AMZ1: variants seen among roughly 807,000 people sequenced by gnomAD.
The protein encoded by AMZ1 is archaelysin family metallopeptidase 1, also known as archaemetzincin-1.
Under a neutral mutation model 29.9 loss-of-function variants are expected in AMZ1, and 39 were observed. The ratio of observed to expected loss-of-function variants is 1.30; its 90% CI spans 1.01 to 1.70. The LOEUF is 1.70. AMZ1 is among the 40% of genes most tolerant of loss of function. The pLI, the probability that AMZ1 is intolerant of heterozygous loss-of-function variation, is 0.00. For synonymous variants in AMZ1, 458 were observed against 304.0 expected (o/e 1.51, Z -5.27); for missense variants, 1,041 against 680.6 (o/e 1.53, Z -5.89).
intron 1 of AMZ1, among the ~76,000 whole-genome samples, chr7:2,679,977 G>T (rs1786825534): frequency 2.0e-5 from 3 of 152,226 alleles, no homozygotes; most frequent in African/African-American, 7.2e-5. Flanking sequence ...GGGATGTGAG[G>T]CTGGGGCAGA....
chr7:2,737,461 G>T (rs1210746910), intron 4 of AMZ1, among the ~76,000 whole-genome samples: 1 of 151,782 alleles, frequency 6.6e-6, no homozygotes, highest in South Asian at 2.1e-4. Flanking sequence ...GCTAACTTTT[G>T]TATTTTTAGT....
chr7:2,742,780 CTT>C (rs1033530183), intron 4 of AMZ1, among the ~76,000 whole-genome samples: 5 of 152,204 alleles, frequency 3.3e-5, no homozygotes, highest in African/African-American at 9.7e-5. Flanking sequence ...GGTATGTAAT[CTT>C]TTATGGTGCT....
intron 4 of AMZ1, 150 bp downstream of exon 4, chr7:2,708,866 GCTC>G: frequency 2.9e-6 from 4 of 1,365,958 alleles, no homozygotes; most frequent in Non-Finnish European, 4.0e-6. Context: ...GCCCCTTCCA[GCTC>G]CTCCTGAGGA....
chr7:2,742,136 C>T (rs1583220566), intron 4 of AMZ1, among the ~76,000 whole-genome samples: 1 of 152,170 alleles, frequency 6.6e-6, no homozygotes, highest in South Asian at 2.1e-4. Flanking sequence ...ATTCTCCTGC[C>T]TCAGCCACCC....
intron 4 of AMZ1, among the ~76,000 whole-genome samples, chr7:2,755,602 T>C (rs932245868): frequency 6.6e-6 from 1 of 152,254 alleles, no homozygotes; most frequent in African/African-American, 2.4e-5. Context: ...TCTTGTATCC[T>C]GTAGCCTTGC....
intron 4 of AMZ1, among the ~76,000 whole-genome samples, chr7:2,744,845 C>T (rs951669543): frequency 6.6e-6 from 1 of 152,102 alleles, no homozygotes; most frequent in Non-Finnish European, 1.5e-5. Context: ...GAGCTGAAAA[C>T]CAAGGCATGA....
chr7:2,763,159 CAAG>C, upstream of AMZ1: 1 of 1,168,340 alleles, frequency 8.6e-7, no homozygotes, highest in East Asian at 3.8e-5. Context: ...ATTCTGCTGA[CAAG>C]AGGTTAGCAG....
Position 2,705,328 on chromosome 7 carries a change from T to C in AMZ1, c.472+2439T>C, listed in dbSNP as rs1239091644. ...TCCCCCACCCCAGAAACAGTCCAGCTTCATCTGTTTGAGCTCCAGTCCTCC... is the reference window on the plus strand; with the variant it reads ...TCCCCCACCCCAGAAACAGTCCAGCCTCATCTGTTTGAGCTCCAGTCCTCC... On this transcript the variant is annotated intron_variant, in intron 3 of 6. Transcript: ENST00000683327. 2.0e-5 allele frequency among the ~76,000 whole-genome samples: 3 copies of C among 152,298 alleles called. 1 individual carries two copies. In the South Asian group the frequency reaches 6.2e-4, roughly 32 times the overall value.
At position 2,700,392 on chromosome 7, in the gene AMZ1, C is replaced by CG; in HGVS notation, c.-57dup. The CG allele has an allele frequency of 6.5e-7, 1 of 1,546,066 alleles. No individual in the cohort carries two copies. The highest frequency in any genetic ancestry group is 8.7e-7 in the Non-Finnish European group (1 of 1,149,462). ...TCTGGACGAGACCGTGGCCGTCCCCCGGGTGGCCCATGGACAGCAGCAGGG... is the reference window on the plus strand; with the variant it reads ...TCTGGACGAGACCGTGGCCGTCCCCCGGGGTGGCCCATGGACAGCAGCAGGG... On this transcript the variant is annotated 5_prime_UTR_variant, in exon 2 of 7. Transcript: ENST00000683327.
At chr7:2,748,698 G>C (rs2115353424) in intron 4 of AMZ1, among the ~76,000 whole-genome samples, 1 of 152,274 alleles carries the variant, frequency 6.6e-6, no homozygotes, top group South Asian at 2.1e-4. Context: ...CACAGCAAAA[G>C]AAACTACCAT....
chr7:2,691,131 CAA>C (rs35603123), intron 1 of AMZ1, among the ~76,000 whole-genome samples: 35 of 68,698 alleles, frequency 5.1e-4, no homozygotes, highest in Admixed American at 1.2e-3. Context: ...GTGACAGAGG[CAA>C]AAAAAAAAAA....
intron 4 of AMZ1, among the ~76,000 whole-genome samples, chr7:2,751,923 G>A (rs894312625): frequency 2.6e-5 from 4 of 152,070 alleles, no homozygotes; most frequent in African/African-American, 7.2e-5. Context: ...TATCAAACAC[G>A]TAAAGAAGAA....
intron 4 of AMZ1, among the ~76,000 whole-genome samples, chr7:2,734,198 C>T (rs575662234): frequency 4.6e-5 from 7 of 152,316 alleles, no homozygotes; most frequent in Non-Finnish European, 5.9e-5. Flanking sequence ...AGCGCTGAGC[C>T]GCCAAATGCG....
At chr7:2,692,473 C>T (rs757212463) in intron 1 of AMZ1, among the ~76,000 whole-genome samples, 2 of 152,124 alleles carry the variant, frequency 1.3e-5, no homozygotes, top group East Asian at 3.9e-4. Context: ...ACCCGGGAAG[C>T]GGAGGTTGCA....
chr7:2,725,349 G>C (rs1038976608), intron 4 of AMZ1, among the ~76,000 whole-genome samples: 1 of 152,242 alleles, frequency 6.6e-6, no homozygotes, highest in Admixed American at 6.5e-5. Flanking sequence ...ACACAGCTGC[G>C]CGAGGGGAAG....
intron 3 of AMZ1, among the ~76,000 whole-genome samples, chr7:2,703,984 G>C (rs1488105821): frequency 6.6e-6 from 1 of 152,076 alleles, no homozygotes; most frequent in Non-Finnish European, 1.5e-5. Context: ...TGCCTCCCGG[G>C]TTCACACCAT....
rs542387597 is a variant in AMZ1 at position 2,740,441 on chromosome 7, C to A, written n.551-24271C>A. On this transcript the variant is annotated intron_variant and non_coding_transcript_variant, in intron 4 of 4. Transcript: ENST00000489665. ...CAGTGAGAAGCTGGCCGTCTGCAAGCGAGGAAGACAGCCCTCCCTCACCAG... is the reference window on the plus strand; with the variant it reads ...CAGTGAGAAGCTGGCCGTCTGCAAGAGAGGAAGACAGCCCTCCCTCACCAG... 7.2e-5 allele frequency among the ~76,000 whole-genome samples: 11 copies of A among 152,240 alleles called. No individual in the cohort carries two copies. The South Asian group carries it at 1.0e-3, about 14-fold the overall frequency.
At chr7:2,738,954 G>A (rs917748093) in intron 4 of AMZ1, among the ~76,000 whole-genome samples, 1 of 151,950 alleles carries the variant, frequency 6.6e-6, no homozygotes, top group South Asian at 2.1e-4. Flanking sequence ...TGGACACCTC[G>A]TCTCCAAGCC....
At chr7:2,725,003 T>C (rs1562385134) in intron 4 of AMZ1, among the ~76,000 whole-genome samples, 3 of 152,140 alleles carry the variant, frequency 2.0e-5, no homozygotes, top group African/African-American at 4.8e-5. Flanking sequence ...TTCTACCCAC[T>C]TCCTACCCCT....
Sources: gnomAD v4.1 joint callset for allele counts (sites outside exome capture counted in the v4.1 genomes callset) on GRCh38, gnomAD v4.1.1 for gene constraint, MANE v1.5 for transcripts, NCBI Gene and HGNC (gene_info 2026-07-23, HGNC 2026-07-21) for gene names.